Variants in BTRC observed in about 807,000 individuals in gnomAD.
BTRC encodes the protein beta-transducin repeat containing E3 ubiquitin protein ligase, also known as F-box/WD repeat-containing protein 1A.
BTRC carries 42 observed loss-of-function variants against 85.5 expected under a neutral mutation model. The ratio of observed to expected loss-of-function variants is 0.49; its 90% CI spans 0.38 to 0.64. The LOEUF is 0.64. BTRC is among the 30% of genes least tolerant of loss of function. The pLI, the probability that BTRC is intolerant of heterozygous loss-of-function variation, is 0.00. For synonymous variants in BTRC, 255 were observed against 263.3 expected (o/e 0.97, Z 0.30); for missense variants, 594 against 743.5 (o/e 0.80, Z 2.34).
chr10:101,526,287 C>A, intron 6 of BTRC, 88 bp downstream of exon 6: 1 of 1,141,588 alleles, frequency 8.8e-7, no homozygotes, highest in South Asian at 1.6e-5. Flanking sequence ...CCAATGAGAC[C>A]ACTTCTCATT....
intron 1 of BTRC, among the ~76,000 whole-genome samples, chr10:101,404,247 G>T (rs929875885): frequency 2.0e-5 from 3 of 149,944 alleles, no homozygotes; most frequent in Non-Finnish European, 4.5e-5. Flanking sequence ...AGCCAGGAGG[G>T]TCTCAATCTC....
intron 4 of BTRC, among the ~76,000 whole-genome samples, chr10:101,503,718 T>G (rs1461388851): frequency 6.6e-6 from 1 of 152,204 alleles, no homozygotes; most frequent in African/African-American, 2.4e-5. Context: ...AACAAGCATT[T>G]GAAAAGAGTT....
At chr10:101,499,727 A>G (rs149121771) in intron 4 of BTRC, among the ~76,000 whole-genome samples, 3 of 151,010 alleles carry the variant, frequency 2.0e-5, no homozygotes, top group Admixed American at 1.3e-4. Context: ...CATCCTTACT[A>G]TGTAGGCCTA....
intron 3 of BTRC, among the ~76,000 whole-genome samples, chr10:101,470,077 A>G (rs1945480099): frequency 2.0e-5 from 3 of 152,118 alleles, no homozygotes; most frequent in Admixed American, 2.0e-4. Flanking sequence ...GTACTTTTTC[A>G]TGTGCTTATT....
intron 1 of BTRC, among the ~76,000 whole-genome samples, chr10:101,407,834 T>G (rs1468741162): frequency 1.3e-5 from 2 of 151,834 alleles, no homozygotes; most frequent in African/African-American, 4.8e-5. Flanking sequence ...GCAATTTTCC[T>G]GCCTCAGCCT....
rs1564729603 is a variant in BTRC at position 101,366,784 on chromosome 10, A to ATTTTTT, written c.48+12557_48+12558insTTTTTT. Among the ~76,000 whole-genome samples the ATTTTTT allele has an allele frequency of 2.7e-4, 20 of 73,130 alleles. 1 individual carries two copies. The highest frequency in any genetic ancestry group is 8.0e-4 in the African/African-American group (19 of 23,612). The allele number at this position is 73,130 out of a possible 152,430, so 48.0% of individuals were successfully genotyped here. A position where few individuals can be genotyped will look rare whatever the true frequency, so the allele number is the denominator to read the frequency against. ...AATCTAGTTATATATATATATATAT[A>ATTTTTT]TATATTTTTACATTTATATATATAT... On this transcript the variant is annotated intron_variant, in intron 1 of 14. Transcript: ENST00000370187.
At chr10:101,413,014 A>G (rs1002148056) in intron 1 of BTRC, among the ~76,000 whole-genome samples, 1 of 152,242 alleles carries the variant, frequency 6.6e-6, no homozygotes, top group South Asian at 2.1e-4. Context: ...ATAGTTGACC[A>G]TAGGAAAATT....
chr10:101,552,056 G>T (rs1010989067), intron 14 of BTRC, among the ~76,000 whole-genome samples: 1 of 151,808 alleles, frequency 6.6e-6, no homozygotes, highest in Non-Finnish European at 1.5e-5. Context: ...TTAGACTTCC[G>T]TGTTACTTTG....
intron 4 of BTRC, among the ~76,000 whole-genome samples, chr10:101,501,316 T>C (rs1286600158): frequency 6.6e-6 from 1 of 152,224 alleles, no homozygotes; most frequent in Admixed American, 6.5e-5. Flanking sequence ...AGAACTGGAT[T>C]ATAGACTCAA....
At chr10:101,425,128 T>C (rs909343985) in intron 1 of BTRC, among the ~76,000 whole-genome samples, 1 of 152,184 alleles carries the variant, frequency 6.6e-6, no homozygotes, top group Non-Finnish European at 1.5e-5. Flanking sequence ...GAGGACATGA[T>C]TTCATTATTT....
At chr10:101,538,086 T>C (rs1023022671) in intron 12 of BTRC, among the ~76,000 whole-genome samples, 4 of 152,198 alleles carry the variant, frequency 2.6e-5, no homozygotes, top group Admixed American at 1.3e-4. Context: ...GTACAAGATC[T>C]CCTCTTGATC....
rs181486652 is a variant in BTRC at position 101,553,151 on chromosome 10, A to G, written c.*32-4A>G. On this transcript the variant is annotated splice_region_variant and splice_polypyrimidine_tract_variant and intron_variant, in intron 14 of 14. Coordinates refer to ENST00000370187, the MANE Select transcript of BTRC (RefSeq NM_033637.4). ...TAATGACTATTTGCTCTGTTTTCAC[A>G]CAGGACCCATTAAAGTTGCGGTATT... 10 of 152,788 alleles carry G rather than the reference A, an allele frequency of 6.5e-5. No individual in the cohort carries two copies. Among genetic ancestry groups the G allele is most frequent in the African/African-American group, 2.4e-4 (10 of 41,598 alleles). 9.5% of individuals were successfully genotyped at this position (152,788 alleles called of 1,614,324 possible).
At chr10:101,401,158 G>A (rs1943483252) in intron 1 of BTRC, among the ~76,000 whole-genome samples, 1 of 152,172 alleles carries the variant, frequency 6.6e-6, no homozygotes, top group South Asian at 2.1e-4. Context: ...TGAAGTTTCA[G>A]AATAGCCAAG....
chr10:101,362,621 C>T (rs1160028602), intron 1 of BTRC, among the ~76,000 whole-genome samples: 1 of 150,120 alleles, frequency 6.7e-6, no homozygotes, highest in Non-Finnish European at 1.5e-5. Flanking sequence ...TCTTGAACTC[C>T]CGACCTTAGG....
At chr10:101,499,391 A>AT (rs1285558902) in intron 4 of BTRC, among the ~76,000 whole-genome samples, 1 of 151,602 alleles carries the variant, frequency 6.6e-6, no homozygotes, top group East Asian at 1.9e-4. Context: ...GCCCAGCTAA[A>AT]TTTTTTTGTA....
intron 13 of BTRC, among the ~76,000 whole-genome samples, chr10:101,542,564 C>T (rs1429525929): frequency 2.0e-5 from 3 of 152,130 alleles, no homozygotes; most frequent in Non-Finnish European, 4.4e-5. Flanking sequence ...ACAGTTGTGA[C>T]AGCTTTTGCT....
intron 1 of BTRC, among the ~76,000 whole-genome samples, chr10:101,361,041 A>G (rs969447158): frequency 6.6e-6 from 1 of 151,844 alleles, no homozygotes; most frequent in Admixed American, 6.6e-5. Flanking sequence ...CCTGGCCTCA[A>G]GTTATTCTCC....
chr10:101,369,933 A>G (rs545698078), intron 1 of BTRC, among the ~76,000 whole-genome samples: 1 of 152,278 alleles, frequency 6.6e-6, no homozygotes, highest in African/African-American at 2.4e-5. Context: ...CCCACTATAT[A>G]GATGCCGTCC....
At chr10:101,469,741 T>C (rs1423774361) in intron 3 of BTRC, among the ~76,000 whole-genome samples, 2 of 152,140 alleles carry the variant, frequency 1.3e-5, no homozygotes, top group African/African-American at 2.4e-5. Context: ...CCTAGGAATG[T>C]CTCTTGTTCT....
Sources: gnomAD v4.1 joint callset for allele counts (sites outside exome capture counted in the v4.1 genomes callset) on GRCh38, gnomAD v4.1.1 for gene constraint, MANE v1.5 for transcripts, NCBI Gene and HGNC (gene_info 2026-07-23, HGNC 2026-07-21) for gene names.